CNTNAP4: variants seen among roughly 807,000 people sequenced by gnomAD.
The protein encoded by CNTNAP4 is contactin-associated protein-like 4.
In CNTNAP4, 98 loss-of-function variants were observed where a neutral mutation model predicts 148.4. The observed-to-expected ratio is 0.66, with a 90% CI of 0.56 to 0.78. The LOEUF (loss-of-function observed/expected upper bound fraction) is 0.78, where lower values mean the gene tolerates loss of function less well. Among genes scored for constraint, CNTNAP4 ranks in the 30% least tolerant of loss-of-function variants. The pLI, the probability that CNTNAP4 is intolerant of heterozygous loss-of-function variation, is 0.00. For missense variants in CNTNAP4, 1,935 were observed against 1,565.6 expected, an observed-to-expected ratio of 1.24 and a Z score of -3.98; for synonymous variants, 730 against 565.1, an observed-to-expected ratio of 1.29 and a Z score of -4.14.
intron 12 of CNTNAP4, among the ~76,000 whole-genome samples, chr16:76,481,229 A>G (rs1392472785): frequency 6.6e-6 from 1 of 152,190 alleles, no homozygotes; most frequent in Non-Finnish European, 1.5e-5. Context: ...CTCATCAAAC[A>G]CACACACACA....
intron 1 of CNTNAP4, among the ~76,000 whole-genome samples, chr16:76,292,517 G>C (rs1959155695): frequency 6.6e-6 from 1 of 151,628 alleles, no homozygotes; most frequent in Non-Finnish European, 1.5e-5. Flanking sequence ...CTGGAGCTCA[G>C]TGCCTGTGGC....
chr16:76,374,226 C>G (rs2015176532), intron 3 of CNTNAP4, among the ~76,000 whole-genome samples: 1 of 152,122 alleles, frequency 6.6e-6, no homozygotes, highest in Admixed American at 6.5e-5. Flanking sequence ...AGGGGGCAAT[C>G]ACTTTATTAC....
intron 2 of CNTNAP4, among the ~76,000 whole-genome samples, chr16:76,337,520 G>A (rs988322344): frequency 6.6e-6 from 1 of 152,118 alleles, no homozygotes; most frequent in African/African-American, 2.4e-5. Flanking sequence ...GCTTCAGAGG[G>A]CAATAGAAGA....
Position 76,427,567 on chromosome 16 carries a change from G to T in CNTNAP4, c.506G>T (p.Gly169Val), listed in dbSNP as rs896257628. 24 of 1,612,644 alleles carry T rather than the reference G, an allele frequency of 1.5e-5. No homozygotes were observed. Among genetic ancestry groups the T allele is most frequent in the Non-Finnish European group, 2.0e-5 (24 of 1,179,262 alleles). The change falls in exon 4 of 24, where the codon GGA (glycine) becomes GTA (valine). Residue 169 changes from glycine to valine, a missense_variant. Transcript: ENST00000611870. ...PLEWNPKGRI[G>V]MRIEVFGCAY... is the part of the protein sequence containing the mutation. ...GAATGGAACCCCAAGGGCAGAATTG[G>T]AATGCGAATCGAAGTGTTCGGATGT... is the stretch of plus-strand genomic sequence containing the variant.
At chr16:76,339,968 A>G (rs915990576) in intron 2 of CNTNAP4, among the ~76,000 whole-genome samples, 4 of 152,216 alleles carry the variant, frequency 2.6e-5, no homozygotes, top group Admixed American at 6.5e-5. Context: ...GGTGGAGGGA[A>G]GGAAGTCCTG....
At chr16:76,332,336 C>G (rs1022325823) in intron 2 of CNTNAP4, among the ~76,000 whole-genome samples, 1 of 152,154 alleles carries the variant, frequency 6.6e-6, no homozygotes, top group Non-Finnish European at 1.5e-5. Flanking sequence ...TTATAACTCA[C>G]TGCAGCCTCC....
intron 13 of CNTNAP4, among the ~76,000 whole-genome samples, chr16:76,491,014 G>A (rs940345781): frequency 3.9e-5 from 6 of 151,958 alleles, no homozygotes; most frequent in Admixed American, 3.9e-4. Context: ...ATGCAAAAAC[G>A]CTGAACTGTC....
At chr16:76,557,874 C>A (rs2085259872) in intron 23 of CNTNAP4, 2 of 152,126 alleles carry the variant, frequency 1.3e-5, no homozygotes, top group South Asian at 4.1e-4. Flanking sequence ...GACTACTGAC[C>A]TAATATAATG....
chr16:76,401,066 T>C lies in CNTNAP4; in HGVS notation c.391-26386T>C, dbSNP rs184666519. Among the ~76,000 whole-genome samples the C allele has an allele frequency of 5.3e-5, 8 of 152,316 alleles. No homozygotes were observed. The East Asian group carries it at 1.5e-3, about 29-fold the overall frequency. On this transcript the variant is annotated intron_variant, in intron 3 of 23. Coordinates refer to ENST00000611870, the MANE Select transcript of CNTNAP4 (RefSeq NM_033401.5). Reference sequence around the variant, plus strand: ...GAATCTTAAAATAGTTTTTTCTACTTCTGTGAAGAATGTCATTGGTAGTTT... The same window carrying C: ...GAATCTTAAAATAGTTTTTTCTACTCCTGTGAAGAATGTCATTGGTAGTTT...
In CNTNAP4 at chr16:76,452,636, T is replaced by C. The variant is rs771323494; in HGVS notation, c.1200T>C (p.Thr400=). Residue 400 remains threonine (T), a synonymous_variant, in exon 8 of 24, where the codon ACT becomes ACC. Transcript: ENST00000611870. ...TTTCTGCCACTTTTCAATTTCGAAC[T>C]TGGAATAAGGCAGGGCTTCTGCTGT... ...EEVSATFQFR[T]WNKAGLLLFS... 6.2e-6 allele frequency: 10 copies of C among 1,613,976 alleles called. No individual in the cohort carries two copies. The highest frequency in any genetic ancestry group is 1.1e-5 in the South Asian group (1 of 91,080).
chr16:76,466,216 C>G (rs559695409), intron 9 of CNTNAP4, among the ~76,000 whole-genome samples: 1 of 152,256 alleles, frequency 6.6e-6, no homozygotes, highest in South Asian at 2.1e-4. Context: ...TTTCACTTAA[C>G]ATAATGATCT....
chr16:76,414,894 C>A (rs1437331006), intron 3 of CNTNAP4, among the ~76,000 whole-genome samples: 2 of 151,018 alleles, frequency 1.3e-5, no homozygotes, highest in Admixed American at 6.6e-5. Flanking sequence ...CTATTTTTTT[C>A]TTTCCCAGAT....
At chr16:76,441,657 A>G (rs971114980) in intron 4 of CNTNAP4, among the ~76,000 whole-genome samples, 1 of 152,190 alleles carries the variant, frequency 6.6e-6, no homozygotes, top group Non-Finnish European at 1.5e-5. Context: ...TCCTTGCTGC[A>G]TAACCTGGCA....
intron 4 of CNTNAP4, among the ~76,000 whole-genome samples, chr16:76,428,814 C>T (rs1233122443): frequency 2.6e-5 from 4 of 151,856 alleles, no homozygotes; most frequent in East Asian, 1.9e-4. Context: ...GAAATAGCAC[C>T]GTTTCCTTAG....
chr16:76,351,356 G>A (rs1039275198), intron 2 of CNTNAP4, among the ~76,000 whole-genome samples: 26 of 145,782 alleles, frequency 1.8e-4, no homozygotes, highest in African/African-American at 6.6e-4. Context: ...GTCATCATAG[G>A]CTGGCCCAAA....
intron 1 of CNTNAP4, among the ~76,000 whole-genome samples, chr16:76,293,324 C>T (rs891415923): frequency 1.3e-5 from 2 of 152,040 alleles, no homozygotes; most frequent in African/African-American, 4.8e-5. Flanking sequence ...GGGGTTTCAC[C>T]ATGTTGGCCA....
intron 3 of CNTNAP4, among the ~76,000 whole-genome samples, chr16:76,414,957 G>T (rs4423446): frequency 6.6e-6 from 1 of 150,612 alleles, no homozygotes; most frequent in African/African-American, 2.4e-5. Flanking sequence ...AAACCAACTT[G>T]TGTTTTTTTT....
intron 8 of CNTNAP4, among the ~76,000 whole-genome samples, chr16:76,460,767 A>T (rs866035383): frequency 1.5e-4 from 6 of 39,958 alleles, no homozygotes; most frequent in Admixed American, 5.2e-4. Context: ...AAAAAAAAAA[A>T]AAAAAAATAT....
At chr16:76,387,067 C>A (rs983841033) in intron 3 of CNTNAP4, among the ~76,000 whole-genome samples, 1 of 152,122 alleles carries the variant, frequency 6.6e-6, no homozygotes. Flanking sequence ...AGCATGCATC[C>A]TGCTGACATC....
Sources: allele counts gnomAD v4.1 joint callset (sites outside exome capture counted in the v4.1 genomes callset), GRCh38; gene constraint gnomAD v4.1.1; transcripts MANE v1.5; gene names NCBI Gene and HGNC (gene_info 2026-07-23, HGNC 2026-07-21).